The following ADAMTS19 variants were observed in gnomAD, a reference collection of about 807,000 sequenced individuals.
ADAMTS19 encodes the protein A disintegrin and metalloproteinase with thrombospondin motifs 19.
ADAMTS19 carries 93 observed loss-of-function variants against 153.3 expected under a neutral mutation model. That is an observed-to-expected ratio of 0.61 (90% CI 0.51 to 0.72). The LOEUF (loss-of-function observed/expected upper bound fraction) is 0.72. Ranked by LOEUF, ADAMTS19 falls within the 30% of genes least tolerant of loss-of-function variation. The pLI is 0.00. For synonymous variants in ADAMTS19, 600 were observed against 556.6 expected (o/e 1.08, Z -1.10); for missense variants, 1,482 against 1,552.1 (o/e 0.95, Z 0.76).
intron 7 of ADAMTS19, among the ~76,000 whole-genome samples, chr5:129,578,090 AT>A: frequency 2.4e-5 from 1 of 41,760 alleles, no homozygotes; most frequent in East Asian, 8.5e-4. Context: ...ATATATACAT[AT>A]ACATACATAT....
At chr5:129,665,000 C>T (rs183850402) in intron 15 of ADAMTS19, among the ~76,000 whole-genome samples, 2 of 152,226 alleles carry the variant, frequency 1.3e-5, no homozygotes, top group Admixed American at 1.3e-4. Flanking sequence ...GTTTCAAAAC[C>T]CTTTGTTAAT....
chr5:129,543,967 A>G (rs897152238), intron 6 of ADAMTS19, among the ~76,000 whole-genome samples: 3 of 150,260 alleles, frequency 2.0e-5, no homozygotes, highest in Non-Finnish European at 4.4e-5. Flanking sequence ...TTGTATTGAA[A>G]AGATATTATT....
chr5:129,582,484 G>T (rs1257852828), intron 7 of ADAMTS19, among the ~76,000 whole-genome samples: 2 of 151,836 alleles, frequency 1.3e-5, no homozygotes, highest in Non-Finnish European at 1.5e-5. Context: ...GCCTATGTGT[G>T]TCTTTGCATG....
chr5:129,509,336 A>ATTTG lies in ADAMTS19; in HGVS notation c.913+97_913+98insGTTT, dbSNP rs59320849. 2.9e-3 allele frequency: 3,309 copies of ATTTG among 1,150,636 alleles called. 64 individuals carry two copies. In the African/African-American group the frequency reaches 0.043, roughly 15 times the overall value. 71.3% of individuals were successfully genotyped at this position (1,150,636 alleles called of 1,614,324 possible). A position where few individuals can be genotyped will look rare whatever the true frequency, so the allele number is the denominator to read the frequency against. On this transcript the variant is annotated intron_variant, in intron 3 of 22. Transcript: ENST00000274487. ...TCTCGTCTATTTACTAGCTTTACTT[A>ATTTG]TTTTTAATGTAGAATCTTTTAATTA...
chr5:129,491,024 T>A lies in ADAMTS19; in HGVS notation c.748-18053T>A, dbSNP rs138477267. ...CCTCAGTGTTTTTTCTGAGATGGAG[T>A]CTCGCTCTGTTGCCCAGGCTGGAGT... On this transcript the variant is annotated intron_variant, in intron 2 of 22. Transcript: ENST00000274487. 4.8e-3 allele frequency among the ~76,000 whole-genome samples: 724 copies of A among 152,146 alleles called. 4 individuals carry two copies. Among genetic ancestry groups the A allele is most frequent in the Non-Finnish European group, 6.8e-3 (462 of 67,992 alleles).
intron 21 of ADAMTS19, among the ~76,000 whole-genome samples, chr5:129,721,661 C>A (rs576499566): frequency 6.6e-6 from 1 of 152,150 alleles, no homozygotes; most frequent in East Asian, 1.9e-4. Context: ...CATAGGTAAA[C>A]GTGTGCCATG....
At chr5:129,527,634 A>T (rs78425174) in intron 4 of ADAMTS19, 114 bp from the exon 5 acceptor site, 1,761 of 143,780 alleles carry the variant, frequency 0.012, 8 homozygotes, top group South Asian at 0.035. Context: ...TTTTTTTTTT[A>T]AAAAAAAAAA....
At position 129,460,299 on chromosome 5, in the gene ADAMTS19, G is replaced by A. The variant is rs1749598281; in HGVS notation, c.-93G>A. On this transcript the variant is annotated 5_prime_UTR_variant, in exon 1 of 23. Transcript: ENST00000274487. The stretch of plus-strand genomic sequence containing the variant: ...AGGGCCTGGGCAAATTCGCCGCCCG[G>A]CCTCCTAGCGCTCCGGGGAGGCCGC... 3 of 704,466 alleles carry A rather than the reference G, an allele frequency of 4.3e-6. No homozygotes were observed. Among genetic ancestry groups the A allele is most frequent in the Non-Finnish European group, 2.1e-6 (1 of 473,814 alleles). The allele number at this position is 704,466 out of a possible 1,614,324, so 43.6% of individuals were successfully genotyped here. A position where few individuals can be genotyped will look rare whatever the true frequency, so the allele number is the denominator to read the frequency against.
At chr5:129,691,630 T>C (rs1755341976) in intron 18 of ADAMTS19, among the ~76,000 whole-genome samples, 1 of 152,174 alleles carries the variant, frequency 6.6e-6, no homozygotes. Flanking sequence ...AATTCTATTG[T>C]TTTTGTTCAA....
intron 6 of ADAMTS19, among the ~76,000 whole-genome samples, chr5:129,533,456 T>G (rs1241282958): frequency 6.6e-6 from 1 of 152,196 alleles, no homozygotes; most frequent in Admixed American, 6.5e-5. Flanking sequence ...TTGTCATCTT[T>G]TATTGCGTCT....
intron 6 of ADAMTS19, among the ~76,000 whole-genome samples, chr5:129,533,800 G>T (rs1161549474): frequency 6.6e-6 from 1 of 151,824 alleles, no homozygotes; most frequent in East Asian, 1.9e-4. Context: ...TTGTGTCTTT[G>T]TTCTCGTTGG....
chr5:129,647,439 GTGT>G (rs1349301362), intron 11 of ADAMTS19, among the ~76,000 whole-genome samples: 2 of 151,946 alleles, frequency 1.3e-5, no homozygotes, highest in African/African-American at 4.8e-5. Flanking sequence ...TTTCTTAAAT[GTGT>G]TGGATTTTCT....
chr5:129,577,136 C>G (rs567862463), intron 7 of ADAMTS19, among the ~76,000 whole-genome samples: 70 of 152,216 alleles, frequency 4.6e-4, no homozygotes, highest in African/African-American at 1.7e-3. Flanking sequence ...CACCTGCCAT[C>G]AGAGAGAAGC....
chr5:129,594,924 CT>C (rs1183255208), intron 7 of ADAMTS19, among the ~76,000 whole-genome samples: 1 of 152,002 alleles, frequency 6.6e-6, no homozygotes, highest in African/African-American at 2.4e-5. Context: ...TATCATCTGT[CT>C]ATTCATCCAT....
chr5:129,492,357 T>C (rs1488817179), intron 2 of ADAMTS19, among the ~76,000 whole-genome samples: 1 of 152,026 alleles, frequency 6.6e-6, no homozygotes, highest in Non-Finnish European at 1.5e-5. Context: ...CAAGGTGAGA[T>C]TTGGGTGGAG....
At chr5:129,658,171 A>T (rs1462753623) in intron 14 of ADAMTS19, among the ~76,000 whole-genome samples, 12 of 152,014 alleles carry the variant, frequency 7.9e-5, no homozygotes, top group Admixed American at 7.9e-4. Context: ...CTATAGTCCC[A>T]GCTACTCGGG....
intron 15 of ADAMTS19, among the ~76,000 whole-genome samples, chr5:129,664,958 G>A (rs1264747234): frequency 6.6e-6 from 1 of 151,990 alleles, no homozygotes; most frequent in Non-Finnish European, 1.5e-5. Flanking sequence ...AGATTGCTTG[G>A]CGCGACCTTA....
intron 2 of ADAMTS19, among the ~76,000 whole-genome samples, chr5:129,466,340 T>TAA (rs144375811): frequency 0.21 from 32,510 of 151,946 alleles, 5,747 homozygotes; most frequent in African/African-American, 0.48. Context: ...AAAATAATAT[T>TAA]AAGAGTCTCA....
At chr5:129,667,455 G>A (rs185771394) in intron 16 of ADAMTS19, among the ~76,000 whole-genome samples, 36 of 152,220 alleles carry the variant, frequency 2.4e-4, no homozygotes, top group African/African-American at 7.9e-4. Flanking sequence ...CCTCAATACT[G>A]GAGGTGGGGC....
Sources: allele counts gnomAD v4.1 joint callset (sites outside exome capture counted in the v4.1 genomes callset), GRCh38; gene constraint gnomAD v4.1.1; transcripts MANE v1.5; gene names NCBI Gene and HGNC (gene_info 2026-07-23, HGNC 2026-07-21).